The following PRMT8 variants were observed in gnomAD, a reference collection of about 807,000 sequenced individuals.
The protein encoded by PRMT8 is protein arginine methyltransferase 8.
In PRMT8, 7 loss-of-function variants were observed where a neutral mutation model predicts 47.1. That is an observed-to-expected ratio of 0.15 (90% CI 0.08 to 0.28). The LOEUF (loss-of-function observed/expected upper bound fraction) is 0.28, where lower values mean the gene tolerates loss of function less well. PRMT8 is among the 10% of genes least tolerant of loss of function. The pLI is 1.00. For synonymous variants in PRMT8, 188 were observed against 186.5 expected (o/e 1.01, Z -0.07); for missense variants, 237 against 505.4 (o/e 0.47, Z 5.09).
At chr12:3,458,080 A>G (rs1296563364) in intron 1 of PRMT8, among the ~76,000 whole-genome samples, 1 of 151,964 alleles carries the variant, frequency 6.6e-6, no homozygotes, top group Non-Finnish European at 1.5e-5. Flanking sequence ...TGACCTCGTG[A>G]TCCGCCCGCC....
At chr12:3,488,089 T>A (rs991588514), upstream of PRMT8, among the ~76,000 whole-genome samples, 1 of 152,236 alleles carries the variant, frequency 6.6e-6, no homozygotes, top group African/African-American at 2.4e-5. Flanking sequence ...ATCTTGCCTC[T>A]ACCACTTGGG....
intron 1 of PRMT8, among the ~76,000 whole-genome samples, chr12:3,420,556 G>A (rs1454616826): frequency 6.6e-6 from 1 of 152,162 alleles, no homozygotes; most frequent in Non-Finnish European, 1.5e-5. Flanking sequence ...TCATGTCTAG[G>A]TCTTTGCAAC....
At position 3,547,357 on chromosome 12, in the gene PRMT8, C is replaced by T. The variant is rs561531191; in HGVS notation, c.262-2579C>T. On this transcript the variant is annotated intron_variant, in intron 2 of 9. Transcript: ENST00000382622. Reference sequence around the variant, plus strand: ...TTTTCACACAGAAAAATAAAGAAATCTAAAAAAAAAACCCTACTGGAATTA... The same window carrying T: ...TTTTCACACAGAAAAATAAAGAAATTTAAAAAAAAAACCCTACTGGAATTA... 2.0e-5 allele frequency among the ~76,000 whole-genome samples: 3 copies of T among 151,212 alleles called. No individual in the cohort carries two copies. In the South Asian group the frequency reaches 6.3e-4, roughly 32 times the overall value.
At chr12:3,411,826 C>G (rs1316446162) in intron 1 of PRMT8, among the ~76,000 whole-genome samples, 3 of 152,204 alleles carry the variant, frequency 2.0e-5, no homozygotes, top group Admixed American at 2.0e-4. Context: ...GGTGCCAGAA[C>G]CTTCATGTTA....
intron 1 of PRMT8, among the ~76,000 whole-genome samples, chr12:3,465,743 A>G (rs1205365402): frequency 6.6e-6 from 1 of 152,222 alleles, no homozygotes; most frequent in Non-Finnish European, 1.5e-5. Context: ...GGTGGGTTTG[A>G]GGACGACTTG....
chr12:3,466,965 C>A (rs1349011272), intron 1 of PRMT8, among the ~76,000 whole-genome samples: 1 of 152,132 alleles, frequency 6.6e-6, no homozygotes, highest in Non-Finnish European at 1.5e-5. Context: ...TGACTGGGCG[C>A]GGTAGCTCAT....
Position 3,545,958 on chromosome 12 carries a change from G to C in PRMT8, c.262-3978G>C, listed in dbSNP as rs1345490595. Among the ~76,000 whole-genome samples the C allele has an allele frequency of 3.9e-5, 6 of 152,312 alleles. No homozygotes were observed. The East Asian group carries it at 1.2e-3, about 29-fold the overall frequency. On this transcript the variant is annotated intron_variant, in intron 2 of 9. Transcript: ENST00000382622. ...GAACATTCACTAAGATAGATCCTCT[G>C]CTGGGTCACAAAACAAAGATTAAAG...
At chr12:3,462,181 A>G (rs1192256803) in intron 1 of PRMT8, among the ~76,000 whole-genome samples, 1 of 152,048 alleles carries the variant, frequency 6.6e-6, no homozygotes, top group African/African-American at 2.4e-5. Flanking sequence ...GCTAAGGATG[A>G]TAACCTCCAG....
intron 1 of PRMT8, among the ~76,000 whole-genome samples, chr12:3,434,940 T>C (rs1244548264): frequency 6.8e-6 from 1 of 147,894 alleles, no homozygotes; most frequent in Non-Finnish European, 1.5e-5. Flanking sequence ...GGTAGAGGAG[T>C]CCCCAGTGAA....
At chr12:3,579,375 C>T (rs191413276) in intron 7 of PRMT8, among the ~76,000 whole-genome samples, 4 of 152,270 alleles carry the variant, frequency 2.6e-5, no homozygotes, top group South Asian at 2.1e-4. Flanking sequence ...CTGGCCCTCT[C>T]CACTCCCCAG....
chr12:3,554,656 T>TTGAGGACCCCTTGAGGAC (rs1866492484), intron 4 of PRMT8, among the ~76,000 whole-genome samples: 1 of 152,136 alleles, frequency 6.6e-6, no homozygotes, highest in Non-Finnish European at 1.5e-5. Context: ...GGAAGGACGT[T>TTGAGGACCCCTTGAGGAC]CCCTTGAGGG....
chr12:3,386,882 G>T (rs879415854), intron 1 of PRMT8, among the ~76,000 whole-genome samples: 25 of 151,292 alleles, frequency 1.7e-4, no homozygotes, highest in Admixed American at 7.9e-4. Context: ...GCTAATTTTT[G>T]TATTTTCAGT....
chr12:3,516,859 AATTT>A (rs1865799732), intron 1 of PRMT8, among the ~76,000 whole-genome samples: 1 of 152,030 alleles, frequency 6.6e-6, no homozygotes, highest in Non-Finnish European at 1.5e-5. Context: ...CTAAAATAAG[AATTT>A]ACCAGTCTGC....
intron 4 of PRMT8, among the ~76,000 whole-genome samples, chr12:3,567,889 C>T (rs375616645): frequency 2.0e-5 from 3 of 152,038 alleles, no homozygotes; most frequent in African/African-American, 7.3e-5. Flanking sequence ...CTCTGGCCAA[C>T]ATGGTGAAAC....
chr12:3,549,425 A>G (rs1464940078), intron 2 of PRMT8, among the ~76,000 whole-genome samples: 1 of 152,102 alleles, frequency 6.6e-6, no homozygotes, highest in Non-Finnish European at 1.5e-5. Context: ...GTCAGAGTCC[A>G]CTGTAACAAG....
intron 1 of PRMT8, among the ~76,000 whole-genome samples, chr12:3,440,424 T>G (rs1282152375): frequency 6.6e-6 from 1 of 152,056 alleles, no homozygotes; most frequent in Non-Finnish European, 1.5e-5. Flanking sequence ...ATCGCGCCAC[T>G]GCACTCCAGC....
chr12:3,445,237 C>A (rs376214581), intron 1 of PRMT8, among the ~76,000 whole-genome samples: 1 of 152,224 alleles, frequency 6.6e-6, no homozygotes, highest in Non-Finnish European at 1.5e-5. Context: ...GAAATGCTAA[C>A]CCTCCTGGTG....
chr12:3,537,575 A>G (rs918462301), intron 1 of PRMT8, among the ~76,000 whole-genome samples: 1 of 152,128 alleles, frequency 6.6e-6, no homozygotes, highest in Admixed American at 6.5e-5. Flanking sequence ...CAAACTCTGC[A>G]TATCCAAATT....
At chr12:3,530,296 A>C (rs1232075364) in intron 1 of PRMT8, among the ~76,000 whole-genome samples, 5 of 152,228 alleles carry the variant, frequency 3.3e-5, no homozygotes, top group Non-Finnish European at 5.9e-5. Context: ...ACCCAGTTGA[A>C]GTGTAAGTGT....
Sources: gnomAD v4.1 joint callset for allele counts (sites outside exome capture counted in the v4.1 genomes callset) on GRCh38, gnomAD v4.1.1 for gene constraint, MANE v1.5 for transcripts, NCBI Gene and HGNC (gene_info 2026-07-23, HGNC 2026-07-21) for gene names.